Variants in CPS1 observed in about 807,000 individuals in gnomAD.
The protein encoded by CPS1 is carbamoyl-phosphate synthase [ammonia], mitochondrial.
A neutral mutation model predicts 174.6 loss-of-function variants in CPS1; 109 were observed. That is an observed-to-expected ratio of 0.62 (90% CI 0.53 to 0.73). The LOEUF (loss-of-function observed/expected upper bound fraction) is 0.73, where lower values mean the gene tolerates loss of function less well. Ranked by LOEUF, CPS1 falls within the 30% of genes least tolerant of loss-of-function variation. The probability of loss-of-function intolerance (pLI) is 0.00; values close to 1 mark genes in which losing one functional copy is unlikely to be tolerated. For missense variants in CPS1, 1,689 were observed against 1,821.9 expected (o/e 0.93, Z 1.33); for synonymous variants, 637 against 632.0 (o/e 1.01, Z -0.12).
intron 1 of CPS1, among the ~76,000 whole-genome samples, chr2:210,486,386 T>G (rs908223530): frequency 6.6e-6 from 1 of 152,216 alleles, no homozygotes; most frequent in African/African-American, 2.4e-5. Context: ...GAGCATCTAA[T>G]GACTGGTCAC....
At chr2:210,501,702 T>C (rs1215849588) in intron 1 of CPS1, among the ~76,000 whole-genome samples, 1 of 152,206 alleles carries the variant, frequency 6.6e-6, no homozygotes, top group African/African-American at 2.4e-5. Flanking sequence ...CATATCTCTG[T>C]CAGCATTTTA....
At chr2:210,587,037 C>T (rs774848524) in intron 6 of CPS1, among the ~76,000 whole-genome samples, 14 of 150,796 alleles carry the variant, frequency 9.3e-5, no homozygotes, top group Admixed American at 1.3e-4. Flanking sequence ...TTCAATTCAG[C>T]AATAACTCCC....
At chr2:210,622,125 T>A (rs1699548734) in intron 21 of CPS1, among the ~76,000 whole-genome samples, 1 of 151,466 alleles carries the variant, frequency 6.6e-6, no homozygotes, top group African/African-American at 2.4e-5. Flanking sequence ...ACTTTTTACT[T>A]TAGTAAAAAG....
intron 4 of CPS1, 80 bp from the exon 5 acceptor site, chr2:210,579,634 G>A (rs1697842612): frequency 2.7e-6 from 3 of 1,117,298 alleles, no homozygotes; most frequent in Non-Finnish European, 4.1e-6. Context: ...AGATAGATGA[G>A]GCCAAGTTTG....
In CPS1 at chr2:210,502,682, T is replaced by C. The variant is rs561202110; in HGVS notation, c.3+24916T>C. 2.1e-3 allele frequency among the ~76,000 whole-genome samples: 315 copies of C among 152,166 alleles called. 1 individual carries two copies. The highest frequency in any genetic ancestry group is 6.5e-3 in the African/African-American group (271 of 41,536). On this transcript the variant is annotated intron_variant, in intron 1 of 38. Transcript: ENST00000430249. The stretch of plus-strand genomic sequence containing the variant: ...CACTCTAAAGGGAAGTCATAGTTCC[T>C]GGGTCTGAGTGGTGCTTCTTGCCTC...
intron 1 of CPS1, among the ~76,000 whole-genome samples, chr2:210,510,385 G>T (rs1402329766): frequency 2.6e-5 from 4 of 152,234 alleles, no homozygotes; most frequent in Admixed American, 6.5e-5. Context: ...ATTCAAGATG[G>T]ATTAAAGATT....
chr2:210,512,045 A>G (rs1248022381), intron 1 of CPS1, among the ~76,000 whole-genome samples: 1 of 152,024 alleles, frequency 6.6e-6, no homozygotes, highest in Non-Finnish European at 1.5e-5. Flanking sequence ...GTTGGACATC[A>G]TTAAAAGTGA....
At chr2:210,555,918 T>C (rs1426892676), upstream of CPS1, among the ~76,000 whole-genome samples, 1 of 152,070 alleles carries the variant, frequency 6.6e-6, no homozygotes, top group Non-Finnish European at 1.5e-5. Flanking sequence ...GAATAGTGCT[T>C]ATATTAAAAT....
At chr2:210,484,024 T>G (rs1269780671) in intron 1 of CPS1, among the ~76,000 whole-genome samples, 2 of 152,130 alleles carry the variant, frequency 1.3e-5, no homozygotes, top group Non-Finnish European at 2.9e-5. Context: ...ATCTCACAAA[T>G]AAGAAACTGA....
intron 21 of CPS1, among the ~76,000 whole-genome samples, chr2:210,624,847 T>C (rs1699648046): frequency 6.6e-6 from 1 of 152,070 alleles, no homozygotes; most frequent in African/African-American, 2.4e-5. Flanking sequence ...ATAAAGTGCC[T>C]ATTATGTTTC....
At position 210,576,452 on chromosome 2, in the gene CPS1, C is replaced by A. The variant is rs780976042; in HGVS notation, c.343C>A (p.Leu115Met). ...GAPDTTALDE[L>M]GLSKYLESNG... ...TCCTGATACTACTGCTCTGGATGAA[C>A]TGGGACTTAGCAAATATTTGGAGTC... Residue 115 changes from leucine to methionine, a missense_variant, in exon 3 of 38, where the codon CTG (leucine) becomes ATG (methionine). Physicochemically the swap from Leu to Met is conservative, Grantham distance 15. Transcript: ENST00000233072. 4 of 1,613,662 alleles carry A rather than the reference C, an allele frequency of 2.5e-6. No homozygotes were observed. Among genetic ancestry groups the A allele is most frequent in the Non-Finnish European group, 3.4e-6 (4 of 1,179,678 alleles).
At chr2:210,557,667 G>T (rs1167718242) in intron 1 of CPS1, among the ~76,000 whole-genome samples, 3 of 152,070 alleles carry the variant, frequency 2.0e-5, no homozygotes, top group East Asian at 1.9e-4. Flanking sequence ...ATAATCTTTA[G>T]TGACTATAAG....
At chr2:210,507,670 G>C (rs377701349) in intron 1 of CPS1, among the ~76,000 whole-genome samples, 1 of 151,212 alleles carries the variant, frequency 6.6e-6, no homozygotes, top group Admixed American at 6.6e-5. Flanking sequence ...TCAAAATAAA[G>C]GGATGGAGGA....
chr2:210,568,013 A>C (rs1215772957), intron 1 of CPS1, among the ~76,000 whole-genome samples: 1 of 152,190 alleles, frequency 6.6e-6, no homozygotes, highest in Non-Finnish European at 1.5e-5. Context: ...TACTGTGTGG[A>C]CAACAGTGGG....
intron 1 of CPS1, among the ~76,000 whole-genome samples, chr2:210,521,083 A>G (rs760339834): frequency 3.3e-5 from 5 of 152,138 alleles, no homozygotes; most frequent in Non-Finnish European, 7.4e-5. Flanking sequence ...AGGAGTTTCA[A>G]TTCTTTGAGG....
Position 210,639,978 on chromosome 2 carries a change from C to G in CPS1, c.2896-18C>G. The G allele has an allele frequency of 6.3e-7, 1 of 1,589,354 alleles. No individual in the cohort carries two copies. Among genetic ancestry groups the G allele is most frequent in the Non-Finnish European group, 8.6e-7 (1 of 1,158,544 alleles). On this transcript the variant is annotated intron_variant, in intron 23 of 37. Transcript: ENST00000233072. ...AACACTTAATGATTTCTGCATCTTC[C>G]TTTTCTTATTTCCTCAGGAGCATGA... is the stretch of plus-strand genomic sequence containing the variant.
At chr2:210,666,515 G>A (rs1701104626) in intron 33 of CPS1, among the ~76,000 whole-genome samples, 1 of 152,168 alleles carries the variant, frequency 6.6e-6, no homozygotes, top group African/African-American at 2.4e-5. Context: ...AAGGTGTAAG[G>A]AAGGGATCCA....
At chr2:210,512,765 T>TATATATATATATATGGAGAGAGAG (rs1559055838) in intron 1 of CPS1, among the ~76,000 whole-genome samples, 5 of 74,544 alleles carry the variant, frequency 6.7e-5, no homozygotes, top group African/African-American at 4.3e-4. Context: ...TATATATATA[T>TATATATATATATATGGAGAGAGAG]ATATATATAT....
At chr2:210,649,474 C>T (rs13022335) in intron 27 of CPS1, among the ~76,000 whole-genome samples, 30,422 of 152,056 alleles carry the variant, frequency 0.2, 3,845 homozygotes, top group South Asian at 0.29. Context: ...CAACTGAAAG[C>T]CCTTTAGGCA....
Sources: allele counts gnomAD v4.1 joint callset (sites outside exome capture counted in the v4.1 genomes callset), GRCh38; gene constraint gnomAD v4.1.1; transcripts MANE v1.5; gene names NCBI Gene and HGNC (gene_info 2026-07-23, HGNC 2026-07-21).